Variants in RFX2 observed in about 807,000 individuals in gnomAD.
RFX2 encodes the protein regulatory factor X2.
In RFX2, 20 loss-of-function variants were observed where a neutral mutation model predicts 87.8. That is an observed-to-expected ratio of 0.23 (90% CI 0.16 to 0.33). The LOEUF (loss-of-function observed/expected upper bound fraction) is 0.33. Among genes scored for constraint, RFX2 ranks in the 10% least tolerant of loss-of-function variants. RFX2 has a pLI of 1.00. For missense variants in RFX2, 767 were observed against 1,012.3 expected (o/e 0.76, Z 3.29); for synonymous variants, 397 against 431.3 (o/e 0.92, Z 0.98).
rs1210395419 is a variant in RFX2, at chr19:6,016,313, G to A, written c.598-42C>T. The A allele has an allele frequency of 6.7e-6, 10 of 1,493,560 alleles. No individual in the cohort carries two copies. The Admixed American group carries it at 1.9e-4, about 28-fold the overall frequency. The allele number at this position is 1,493,560 out of a possible 1,614,324, so 92.5% of individuals were successfully genotyped here. ...ACGTCTGCGTTTGTCAGAAGCCTGA[G>A]GAACGCTAACATGCCAACGTGGACT... On this transcript the variant is annotated intron_variant, in intron 6 of 17. Transcript: ENST00000303657. This position sits in a 1 kb window ranked among gnomAD's most constrained non-coding sequence, Gnocchi z 5.4.
At chr19:6,092,312 G>A (rs182115304) in intron 1 of RFX2, among the ~76,000 whole-genome samples, 29 of 152,318 alleles carry the variant, frequency 1.9e-4, no homozygotes, top group Non-Finnish European at 3.4e-4. Context: ...AGGGGCTCAA[G>A]TCCCTAAACC....
In RFX2 at chr19:6,044,982, G is replaced by A. The variant is rs2087167557; in HGVS notation, c.91-700C>T. 6.6e-6 allele frequency among the ~76,000 whole-genome samples: 1 copy of A among 152,178 alleles called. No homozygotes were observed. Among genetic ancestry groups the A allele is most frequent in the Non-Finnish European group, 1.5e-5 (1 of 68,022 alleles). ...CCACACAAAGCTATCAAAATGGGAAGGGTCAAAGTGAACTCGAGTCGAGGG... is the reference window on the plus strand; with the variant it reads ...CCACACAAAGCTATCAAAATGGGAAAGGTCAAAGTGAACTCGAGTCGAGGG... On this transcript the variant is annotated intron_variant, in intron 2 of 17. Coordinates refer to ENST00000303657, the MANE Select transcript of RFX2 (RefSeq NM_000635.4). The surrounding 1 kb of genome is among the most constrained non-coding windows in gnomAD (Gnocchi z 5.3).
At position 5,994,820 on chromosome 19, in the gene RFX2, C is replaced by A. The variant is rs200044119; in HGVS notation, c.*15G>T. Reference sequence around the variant, plus strand: ...GGCATCTTTTGGAACCTCGAGGAGGCGCCGGCCGGGGCTGCTAGATGCCCT... The same window carrying A: ...GGCATCTTTTGGAACCTCGAGGAGGAGCCGGCCGGGGCTGCTAGATGCCCT... On this transcript the variant is annotated 3_prime_UTR_variant, in exon 18 of 18. Transcript: ENST00000303657. 6.4e-7 allele frequency: 1 copy of A among 1,572,046 alleles called. No homozygotes were observed. Among genetic ancestry groups the A allele is most frequent in the Non-Finnish European group, 8.7e-7 (1 of 1,148,620 alleles).
chr19:6,030,297 T>A (rs1449070058), intron 5 of RFX2, among the ~76,000 whole-genome samples: 1 of 152,148 alleles, frequency 6.6e-6, no homozygotes, highest in African/African-American at 2.4e-5. Context: ...ATATGAGTAA[T>A]GGCTGATTTC....
At chr19:6,035,509 G>C (rs962269439) in intron 5 of RFX2, among the ~76,000 whole-genome samples, 1 of 152,106 alleles carries the variant, frequency 6.6e-6, no homozygotes, top group South Asian at 2.1e-4. Context: ...ATAAATACTC[G>C]AGAAAATTGG....
At position 6,001,896 on chromosome 19, in the gene RFX2, G is replaced by C; in HGVS notation, c.1778C>G (p.Thr593Ser). 3.7e-6 allele frequency: 6 copies of C among 1,613,344 alleles called. No individual in the cohort carries two copies. The highest frequency in any genetic ancestry group is 5.1e-6 in the Non-Finnish European group (6 of 1,179,930). Residue 593 changes from threonine to serine, a missense_variant, in exon 15 of 18, where the codon ACC becomes AGC. Thr to Ser is a moderately conservative substitution (Grantham distance 58). This residue lies in a region of RFX2 where 621 missense variants were observed against 873.0 expected (regional missense o/e 0.71). Coordinates refer to ENST00000303657, the MANE Select transcript of RFX2 (RefSeq NM_000635.4). This position sits in a 1 kb window ranked among gnomAD's most constrained non-coding sequence, Gnocchi z 5.6. ...QWASWLDSVV[T>S]QVLKQHAGSP... ...GCCGGCATGCTGCTTCAGGACCTGG[G>C]TGACCACACTGTCCAGCCAGCTGGC...
chr19:6,108,484 T>C (rs2088255519), intron 1 of RFX2, among the ~76,000 whole-genome samples: 1 of 152,186 alleles, frequency 6.6e-6, no homozygotes, highest in African/African-American at 2.4e-5. Flanking sequence ...TTTTAAAAAG[T>C]CTTTGTTGTT....
In RFX2 at chr19:6,023,386, G is replaced by A. The variant is rs2086845709; in HGVS notation, c.597+2777C>T. 1.3e-5 allele frequency among the ~76,000 whole-genome samples: 2 copies of A among 152,206 alleles called. No homozygotes were observed. The highest frequency in any genetic ancestry group is 4.1e-4 in the South Asian group (2 of 4,834). On this transcript the variant is annotated intron_variant, in intron 6 of 17. Transcript: ENST00000303657. This position sits in a 1 kb window ranked among gnomAD's most constrained non-coding sequence, Gnocchi z 4.9. ...CAGTCTCAGCCACAGGCAGCCCTGG[G>A]GACAATCGTTGCAAGGGCACGTCAC... is the stretch of plus-strand genomic sequence containing the variant.
intron 7 of RFX2, among the ~76,000 whole-genome samples, chr19:6,014,465 C>T (rs541027817): frequency 6.6e-6 from 1 of 152,318 alleles, no homozygotes; most frequent in East Asian, 1.9e-4. Flanking sequence ...TTTTGAACTC[C>T]TGACCTCAAG....
intron 1 of RFX2, among the ~76,000 whole-genome samples, chr19:6,048,685 C>T (rs2087229421): frequency 6.6e-6 from 1 of 152,158 alleles, no homozygotes; most frequent in Non-Finnish European, 1.5e-5. Context: ...TTCTCTATCA[C>T]CCCCAGAGGT....
At chr19:6,096,430 TTTTTGTTTTGTTTTG>T (rs139772504) in intron 1 of RFX2, among the ~76,000 whole-genome samples, 6,200 of 151,164 alleles carry the variant, frequency 0.041, 279 homozygotes, top group African/African-American at 0.11. Flanking sequence ...TCGTTTTTGT[TTTTTGTTTTGTTTTG>T]TTTTGTTTTG....
At chr19:5,996,944 C>A in intron 16 of RFX2, 116 bp downstream of exon 16, 1 of 1,088,450 alleles carries the variant, frequency 9.2e-7, no homozygotes, top group Admixed American at 2.4e-5. Context: ...CAGCTCTGTC[C>A]GGGCGGCAGA....
chr19:6,080,244 GAGAGAGAGAC>G (rs2087760020), intron 1 of RFX2, among the ~76,000 whole-genome samples: 1 of 150,960 alleles, frequency 6.6e-6, no homozygotes, highest in African/African-American at 2.4e-5. Context: ...GTGTGTATGT[GAGAGAGAGAC>G]AGAGAGAGAG....
rs1263984548 is a variant in RFX2, at chr19:6,021,938, C to T, written c.597+4225G>A. Among the ~76,000 whole-genome samples the T allele has an allele frequency of 2.6e-5, 4 of 151,642 alleles. No homozygotes were observed. Among genetic ancestry groups the T allele is most frequent in the African/African-American group, 9.7e-5 (4 of 41,246 alleles). On this transcript the variant is annotated intron_variant, in intron 6 of 17. Coordinates refer to ENST00000303657, the MANE Select transcript of RFX2 (RefSeq NM_000635.4). This position sits in a 1 kb window ranked among gnomAD's most constrained non-coding sequence, Gnocchi z 5.7. ...AGAATCCACAGGGACAGTGGCGGCT[C>T]GGGAAGTAGTCGAAGTGGAGGAGGT...
intron 1 of RFX2, among the ~76,000 whole-genome samples, chr19:6,102,742 A>T (rs2088146233): frequency 6.6e-6 from 1 of 152,126 alleles, no homozygotes; most frequent in Non-Finnish European, 1.5e-5. Context: ...CCTCCTTAAA[A>T]ACTGCTGGAC....
At chr19:6,084,269 C>A (rs1389117861) in intron 1 of RFX2, among the ~76,000 whole-genome samples, 1 of 152,196 alleles carries the variant, frequency 6.6e-6, no homozygotes, top group Non-Finnish European at 1.5e-5. Flanking sequence ...TAGGGACTTA[C>A]TAGAGGCAAA....
chr19:6,017,876 C>G lies in RFX2; in HGVS notation c.598-1605G>C, dbSNP rs892188606. The stretch of plus-strand genomic sequence containing the variant: ...CACTCACCACAGCGTACCCATGGCA[C>G]CCCCCCGCCCCACTGTCACGTTTGC... On this transcript the variant is annotated intron_variant, in intron 6 of 17. Coordinates refer to ENST00000303657, the MANE Select transcript of RFX2 (RefSeq NM_000635.4). The surrounding 1 kb of genome is among the most constrained non-coding windows in gnomAD (Gnocchi z 4.1). Among the ~76,000 whole-genome samples, 63 of 143,488 alleles carry G rather than the reference C, an allele frequency of 4.4e-4. No homozygotes were observed. Among genetic ancestry groups the G allele is most frequent in the Admixed American group, 7.0e-4 (10 of 14,364 alleles). 94.1% of individuals were successfully genotyped at this position (143,488 alleles called of 152,430 possible).
In RFX2 at chr19:6,047,399, CG is replaced by C. The variant is rs776549972; in HGVS notation, c.90+7del. 24 of 1,601,524 alleles carry C rather than the reference CG, an allele frequency of 1.5e-5. No individual in the cohort carries two copies. In the Admixed American group the frequency reaches 4.1e-4, roughly 28 times the overall value. Reference sequence around the variant, plus strand: ...GCCACCCTGTTGTTGCTGAGAGGCGCGCGTTACCTGCGGGGAGGCTGGCACA... The same window carrying C: ...GCCACCCTGTTGTTGCTGAGAGGCGCCGTTACCTGCGGGGAGGCTGGCACA... On this transcript the variant is annotated splice_region_variant and intron_variant, in intron 2 of 17. Transcript: ENST00000303657. This position sits in a 1 kb window ranked among gnomAD's most constrained non-coding sequence, Gnocchi z 4.2.
rs558761666 is a variant in RFX2, at chr19:6,056,143, T to C, written c.-8-8639A>G. Among the ~76,000 whole-genome samples the C allele has an allele frequency of 4.6e-5, 7 of 152,266 alleles. No homozygotes were observed. The East Asian group carries it at 1.2e-3, about 25-fold the overall frequency. On this transcript the variant is annotated intron_variant, in intron 1 of 17. Coordinates refer to ENST00000303657, the MANE Select transcript of RFX2 (RefSeq NM_000635.4). This position sits in a 1 kb window ranked among gnomAD's most constrained non-coding sequence, Gnocchi z 4.6. ...ACATGGAGTCGTGATTTGTCAAAAT[T>C]AGCCAGCTAAGGTTTGTGCACTTAC...
Sources: gnomAD v4.1 joint callset for allele counts (sites outside exome capture counted in the v4.1 genomes callset) on GRCh38, gnomAD v4.1.1 for gene constraint, gnomAD v4.1.1 regional missense constraint, Gnocchi (gnomAD v3.1) non-coding constraint, MANE v1.5 for transcripts, NCBI Gene and HGNC (gene_info 2026-07-23, HGNC 2026-07-21) for gene names.